Variants in COL22A1 observed in about 807,000 individuals in gnomAD.
The protein encoded by COL22A1 is collagen alpha-1(XXII) chain.
COL22A1 carries 221 observed loss-of-function variants against 248.9 expected under a neutral mutation model. That is an observed-to-expected ratio of 0.89 (90% confidence interval 0.80 to 0.99). COL22A1 has a LOEUF of 0.99. COL22A1 is among the 50% of genes least tolerant of loss of function. The probability of loss-of-function intolerance (pLI) is 0.00; values close to 1 mark genes in which losing one functional copy is unlikely to be tolerated. For synonymous variants in COL22A1, 891 were observed against 793.4 expected, an observed-to-expected ratio of 1.12 and a Z score of -2.07; for missense variants, 2,240 against 2,179.0, an observed-to-expected ratio of 1.03 and a Z score of -0.56.
rs117601589 is a variant in COL22A1 at position 138,803,341 on chromosome 8, G to A, written c.1495-407C>T. On this transcript the variant is annotated intron_variant, in intron 10 of 64. Transcript: ENST00000303045. ...CTTCCATAAACAGGCACGTCATCAC[G>A]CAGGCACATAAGATTAAGAGCATAA... Among the ~76,000 whole-genome samples, 845 of 152,092 alleles carry A rather than the reference G, an allele frequency of 5.6e-3. 18 individuals carry two copies. The East Asian group carries it at 0.057, about 10-fold the overall frequency.
At position 138,602,118 on chromosome 8, in the gene COL22A1, T is replaced by C; in HGVS notation, c.4182A>G (p.Glu1394=). 1.2e-6 allele frequency: 2 copies of C among 1,614,106 alleles called. No homozygotes were observed. The highest frequency in any genetic ancestry group is 1.7e-6 in the Non-Finnish European group (2 of 1,180,022). ...GGTGCCTGTGCTCTCCACTCACCCT[T>C]TCTCCTTTGAATCCAGGCTCTCCAG... The part of the protein sequence containing the change: ...GKPGEPGFKG[E]RGDPGIKGDK... Residue 1394 remains glutamate (E), a synonymous_variant, in exon 60 of 65, where the codon GAA becomes GAG. Coordinates refer to ENST00000303045, the MANE Select transcript of COL22A1 (RefSeq NM_152888.3).
chr8:138,856,691 G>A (rs1334648690), intron 3 of COL22A1, among the ~76,000 whole-genome samples: 2 of 152,110 alleles, frequency 1.3e-5, no homozygotes, highest in Non-Finnish European at 2.9e-5. Context: ...GACAGCAAGA[G>A]AGAGGGATAG....
At chr8:138,654,572 C>T (rs1219820718) in intron 45 of COL22A1, among the ~76,000 whole-genome samples, 1 of 152,120 alleles carries the variant, frequency 6.6e-6, no homozygotes, top group Non-Finnish European at 1.5e-5. Context: ...TCACAAAATG[C>T]AGTATTGACC....
intron 51 of COL22A1, among the ~76,000 whole-genome samples, chr8:138,625,373 G>C (rs552852672): frequency 6.6e-6 from 1 of 152,278 alleles, no homozygotes; most frequent in East Asian, 1.9e-4. Context: ...ACAGTGGAGG[G>C]CAGGGTTGGG....
chr8:138,686,245 G>A (rs781666458), intron 37 of COL22A1, among the ~76,000 whole-genome samples: 2 of 152,120 alleles, frequency 1.3e-5, no homozygotes, highest in African/African-American at 4.8e-5. Flanking sequence ...CACCGGGGTC[G>A]GCTTGAGGAC....
intron 16 of COL22A1, among the ~76,000 whole-genome samples, chr8:138,771,564 A>G (rs1471713649): frequency 6.6e-6 from 1 of 152,242 alleles, no homozygotes; most frequent in East Asian, 1.9e-4. Context: ...AGACTCCAAA[A>G]GCTTGCTGGA....
chr8:138,871,741 T>C (rs1823360827), intron 3 of COL22A1, among the ~76,000 whole-genome samples: 1 of 152,210 alleles, frequency 6.6e-6, no homozygotes, highest in Non-Finnish European at 1.5e-5. Flanking sequence ...GCATCCGCTG[T>C]TGTGAGATAT....
At chr8:138,724,721 C>G (rs1226485104) in intron 24 of COL22A1, 53 bp from the exon 25 acceptor site, 1 of 1,558,918 alleles carries the variant, frequency 6.4e-7, no homozygotes, top group African/African-American at 1.4e-5. Context: ...GAGATCAGAT[C>G]ATTGACTCAA....
rs1007397151 is a variant in COL22A1, at chr8:138,751,668, T to A, written c.2032-157A>T. ...CGGAGGTCCCATTCTCTCAAACCTA[T>A]AACACTTTAAAACATGTACATCTAT... On this transcript the variant is annotated intron_variant, in intron 21 of 64. Transcript: ENST00000303045. Among the ~76,000 whole-genome samples, 4 of 152,232 alleles carry A rather than the reference T, an allele frequency of 2.6e-5. No individual in the cohort carries two copies. In the South Asian group the frequency reaches 8.3e-4, roughly 31 times the overall value.
intron 14 of COL22A1, among the ~76,000 whole-genome samples, chr8:138,779,147 T>C (rs1814734468): frequency 6.6e-6 from 1 of 152,210 alleles, no homozygotes; most frequent in Non-Finnish European, 1.5e-5. Context: ...TAGGGGAATG[T>C]TATATATTAC....
At chr8:138,661,943 C>G in intron 43 of COL22A1, 87 bp downstream of exon 43, 2 of 1,015,642 alleles carry the variant, frequency 2.0e-6, no homozygotes, top group African/African-American at 1.6e-5. Flanking sequence ...GCCACATGGT[C>G]AAAGGAGGCC....
intron 1 of COL22A1, among the ~76,000 whole-genome samples, chr8:138,888,126 A>C (rs1195403190): frequency 6.6e-6 from 1 of 152,198 alleles, no homozygotes; most frequent in Non-Finnish European, 1.5e-5. Flanking sequence ...TCATTTAGGA[A>C]ATATTCACGA....
At chr8:138,615,833 C>T (rs1564100107) in intron 55 of COL22A1, among the ~76,000 whole-genome samples, 168 bp downstream of exon 55, 1 of 152,190 alleles carries the variant, frequency 6.6e-6, no homozygotes, top group Admixed American at 6.5e-5. Context: ...GACCCACCCA[C>T]TAGGTTGGAG....
At chr8:138,693,622 G>C in intron 35 of COL22A1, 24 bp downstream of exon 35, 1 of 1,569,916 alleles carries the variant, frequency 6.4e-7, no homozygotes. Flanking sequence ...TCCCCCACGA[G>C]GCAGGCCGAT....
chr8:138,617,189 C>T (rs1053629963), intron 53 of COL22A1, among the ~76,000 whole-genome samples: 1 of 152,198 alleles, frequency 6.6e-6, no homozygotes, highest in Non-Finnish European at 1.5e-5. Flanking sequence ...TGCCAGGGCT[C>T]ATCCCACAAA....
At chr8:138,654,127 T>C (rs1395284846) in intron 45 of COL22A1, among the ~76,000 whole-genome samples, 1 of 152,168 alleles carries the variant, frequency 6.6e-6, no homozygotes, top group Non-Finnish European at 1.5e-5. Context: ...ATTATTGACA[T>C]AAAGATTGGG....
chr8:138,776,595 A>C (rs1473753591), intron 15 of COL22A1, among the ~76,000 whole-genome samples: 6 of 151,994 alleles, frequency 3.9e-5, no homozygotes, highest in Non-Finnish European at 5.9e-5. Context: ...GGTTTCTCTG[A>C]GTGCAGGATC....
intron 47 of COL22A1, among the ~76,000 whole-genome samples, chr8:138,643,871 T>C (rs1032076232): frequency 6.6e-6 from 1 of 152,148 alleles, no homozygotes; most frequent in African/African-American, 2.4e-5. Flanking sequence ...GGCTAATTTC[T>C]GTTTTTAGTA....
chr8:138,806,009 G>A (rs1174114787), intron 10 of COL22A1, among the ~76,000 whole-genome samples: 3 of 93,396 alleles, frequency 3.2e-5, no homozygotes, highest in Admixed American at 2.0e-4. Context: ...TGTGTGTGAC[G>A]GTGTAGGTAA....
Sources: allele counts gnomAD v4.1 joint callset (sites outside exome capture counted in the v4.1 genomes callset), GRCh38; gene constraint gnomAD v4.1.1; transcripts MANE v1.5; gene names NCBI Gene and HGNC (gene_info 2026-07-23, HGNC 2026-07-21).